The following DPP6 variants were observed in gnomAD, a reference collection of about 807,000 sequenced individuals.
DPP6 encodes the protein A-type potassium channel modulatory protein DPP6.
A neutral mutation model predicts 122.6 loss-of-function variants in DPP6; 69 were observed. The ratio of observed to expected loss-of-function variants is 0.56; its 90% confidence interval spans 0.46 to 0.69. The LOEUF (loss-of-function observed/expected upper bound fraction) is 0.69, where lower values mean the gene tolerates loss of function less well. Ranked by LOEUF, DPP6 falls within the 30% of genes least tolerant of loss-of-function variation. The pLI is 0.00. For missense variants in DPP6, 928 were observed against 1,116.9 expected (o/e 0.83, Z 2.41); for synonymous variants, 418 against 433.1 (o/e 0.97, Z 0.43).
chr7:154,256,042 A>G (rs1802639179), intron 1 of DPP6, among the ~76,000 whole-genome samples: 1 of 152,214 alleles, frequency 6.6e-6, no homozygotes, highest in African/African-American at 2.4e-5. Context: ...CTATAGCATT[A>G]TTTTTGTAAG....
At chr7:154,111,268 G>T (rs1228396100) in intron 1 of DPP6, among the ~76,000 whole-genome samples, 1 of 152,236 alleles carries the variant, frequency 6.6e-6, no homozygotes, top group African/African-American at 2.4e-5. Flanking sequence ...CAGAGAGCAG[G>T]TCTTCAGTAG....
intron 1 of DPP6, among the ~76,000 whole-genome samples, chr7:154,433,955 G>A (rs890518870): frequency 1.3e-5 from 2 of 152,108 alleles, no homozygotes; most frequent in African/African-American, 4.8e-5. Flanking sequence ...TACATGTTGT[G>A]ACTAAAACAC....
intron 3 of DPP6, among the ~76,000 whole-genome samples, chr7:154,511,858 T>C (rs1000882591): frequency 1.3e-5 from 2 of 152,246 alleles, no homozygotes; most frequent in African/African-American, 4.8e-5. Flanking sequence ...GTTGGTGATA[T>C]ACTTTTTATC....
chr7:154,040,742 C>T (rs1799718003), intron 1 of DPP6, among the ~76,000 whole-genome samples: 1 of 152,126 alleles, frequency 6.6e-6, no homozygotes. Context: ...TATATATGTT[C>T]CTAGGGGCTG....
the DPP6 span, among the ~76,000 whole-genome samples, chr7:153,791,331 C>A: frequency 2.6e-5 from 4 of 151,408 alleles, no homozygotes; most frequent in South Asian, 8.4e-4. Context: ...GTGCAGTGCA[C>A]AAATCCATAC....
chr7:154,226,627 A>T (rs10251263), intron 1 of DPP6, among the ~76,000 whole-genome samples: 32,517 of 152,106 alleles, frequency 0.21, 6,327 homozygotes, highest in African/African-American at 0.52. Flanking sequence ...TGGACATGTG[A>T]TCCTATTACC....
chr7:154,731,622 G>A (rs1842344681), intron 8 of DPP6, among the ~76,000 whole-genome samples: 1 of 152,230 alleles, frequency 6.6e-6, no homozygotes, highest in African/African-American at 2.4e-5. Context: ...TCTCTAAAGA[G>A]AGTCCTGTGG....
At chr7:154,053,848 G>A (rs1800600390) in intron 1 of DPP6, among the ~76,000 whole-genome samples, 2 of 146,424 alleles carry the variant, frequency 1.4e-5, no homozygotes, top group South Asian at 4.6e-4. Context: ...GGTTGGATTT[G>A]CACATCGCCC....
intron 5 of DPP6, among the ~76,000 whole-genome samples, chr7:154,636,744 T>C (rs1208316173): frequency 6.6e-6 from 1 of 152,226 alleles, no homozygotes; most frequent in Admixed American, 6.5e-5. Flanking sequence ...AGGTAGGGAA[T>C]GGTGGTATTA....
intron 1 of DPP6, among the ~76,000 whole-genome samples, chr7:154,117,664 G>A (rs71532634): frequency 2.0e-5 from 3 of 152,140 alleles, no homozygotes; most frequent in African/African-American, 7.2e-5. Context: ...GTCAAATGTC[G>A]TGAGCTTAGA....
chr7:154,369,096 G>A (rs978928809), intron 1 of DPP6, among the ~76,000 whole-genome samples: 5 of 152,010 alleles, frequency 3.3e-5, no homozygotes, highest in South Asian at 2.1e-4. Context: ...TTGTTCATTC[G>A]TTCGTTCGTT....
chr7:154,235,101 T>G (rs1028496806), intron 1 of DPP6, among the ~76,000 whole-genome samples: 1 of 152,238 alleles, frequency 6.6e-6, no homozygotes, highest in Admixed American at 6.5e-5. Flanking sequence ...TGCACAGAAT[T>G]GTGTAATCAT....
chr7:153,880,511 C>T, the DPP6 span, among the ~76,000 whole-genome samples: 1 of 152,172 alleles, frequency 6.6e-6, no homozygotes, highest in African/African-American at 2.4e-5. Context: ...CTGCTTGAGT[C>T]AGGAGGCCTT....
chr7:154,872,715 T>C, intron 19 of DPP6, 22 bp downstream of exon 19: 2 of 1,582,266 alleles, frequency 1.3e-6, no homozygotes, highest in Non-Finnish European at 1.7e-6. Context: ...CACATCTGTC[T>C]TTCCCTGGTG....
chr7:154,144,663 A>C (rs2150669465), intron 1 of DPP6, among the ~76,000 whole-genome samples: 1 of 151,910 alleles, frequency 6.6e-6, no homozygotes, highest in Non-Finnish European at 1.5e-5. Context: ...CCTTCTCAAA[A>C]TCCTTGTTTT....
At chr7:154,340,201 A>G (rs1809805539) in intron 1 of DPP6, among the ~76,000 whole-genome samples, 1 of 152,244 alleles carries the variant, frequency 6.6e-6, no homozygotes, top group African/African-American at 2.4e-5. Context: ...AGGACATACC[A>G]TAGATTTTAA....
chr7:154,642,625 C>A (rs1836179369), intron 6 of DPP6, among the ~76,000 whole-genome samples: 1 of 147,696 alleles, frequency 6.8e-6, no homozygotes, highest in Admixed American at 6.9e-5. Flanking sequence ...TAGTGCCCAC[C>A]TCATAGGCTT....
intron 1 of DPP6, among the ~76,000 whole-genome samples, chr7:154,180,107 A>C (rs1797995377): frequency 6.6e-6 from 1 of 152,118 alleles, no homozygotes; most frequent in Non-Finnish European, 1.5e-5. Context: ...AAGCACTTTG[A>C]GAAGCTGAGG....
chr7:154,562,054 A>G (rs1487703080), intron 4 of DPP6, among the ~76,000 whole-genome samples: 1 of 152,154 alleles, frequency 6.6e-6, no homozygotes, highest in Non-Finnish European at 1.5e-5. Flanking sequence ...CTTATTAGAC[A>G]AATAGAAGAG....
Sources: gnomAD v4.1 joint callset for allele counts (sites outside exome capture counted in the v4.1 genomes callset) on GRCh38, gnomAD v4.1.1 for gene constraint, MANE v1.5 for transcripts, NCBI Gene and HGNC (gene_info 2026-07-23, HGNC 2026-07-21) for gene names.